ACACB: variants seen among roughly 807,000 people sequenced by gnomAD.
ACACB encodes the protein acetyl-CoA carboxylase beta.
In ACACB, 209 loss-of-function variants were observed where a neutral mutation model predicts 278.8. The ratio of observed to expected loss-of-function variants is 0.75; its 90% CI spans 0.67 to 0.84. ACACB has a LOEUF of 0.84. Ranked by LOEUF, ACACB falls within the 40% of genes least tolerant of loss-of-function variation. ACACB has a pLI of 0.00. For synonymous variants in ACACB, 1,174 were observed against 1,285.6 expected (o/e 0.91, Z 1.86); for missense variants, 2,850 against 3,269.0 (o/e 0.87, Z 3.13).
chr12:109,209,000 G>A (rs1209631132), intron 20 of ACACB, among the ~76,000 whole-genome samples, 165 bp from the exon 21 acceptor site: 1 of 152,124 alleles, frequency 6.6e-6, no homozygotes, highest in Non-Finnish European at 1.5e-5. Flanking sequence ...CTGTGGTCAG[G>A]GGGCCATTCC....
At position 109,250,098 on chromosome 12, in the gene ACACB, T is replaced by A. The variant is rs767164855; in HGVS notation, c.5784T>A (p.Ile1928=). 6.3e-7 allele frequency: 1 copy of A among 1,598,604 alleles called. No individual in the cohort carries two copies. The highest frequency in any genetic ancestry group is 1.4e-5 in the African/African-American group (1 of 74,052). The change falls in exon 41 of 53, where the codon ATT becomes ATA. Residue 1928 remains isoleucine, a synonymous_variant. Transcript: ENST00000338432. ...TGGCTTACGAAGAGATCGTCACCAT[T>A]AGCTTGGTGAGTCTTCTTCTATTTT... The part of the protein sequence containing the change: ...SSLAYEEIVT[I]SLVTCRAIGI...
chr12:109,201,662 G>A lies in ACACB; in HGVS notation c.2874G>A (p.Val958=), dbSNP rs1375554679. 1.2e-6 allele frequency: 2 copies of A among 1,614,190 alleles called. No individual in the cohort carries two copies. The highest frequency in any genetic ancestry group is 2.2e-5 in the South Asian group (2 of 91,080). Residue 958 remains valine (V), a synonymous_variant, in exon 19 of 53, where the codon GTG becomes GTA. Coordinates refer to ENST00000338432, the MANE Select transcript of ACACB (RefSeq NM_001093.4). The stretch of plus-strand genomic sequence containing the variant: ...CCGTGCTGGAAGCAGGCTGCGTGGT[G>A]GCCAGGCTGGAGCTCGATGACCCTT... ...PGAVLEAGCV[V]ARLELDDPSK...
chr12:109,221,512 CTTT>C (rs2046159516), intron 24 of ACACB, among the ~76,000 whole-genome samples: 1 of 152,216 alleles, frequency 6.6e-6, no homozygotes, highest in Non-Finnish European at 1.5e-5. Context: ...AAAGGCCCTT[CTTT>C]CAGAAGCAGA....
chr12:109,186,860 C>T lies in ACACB; in HGVS notation c.1980+1120C>T, dbSNP rs568830750. 6.7e-4 allele frequency among the ~76,000 whole-genome samples: 102 copies of T among 152,208 alleles called. 1 individual carries two copies. The highest frequency in any genetic ancestry group is 2.2e-3 in the African/African-American group (91 of 41,526). On this transcript the variant is annotated intron_variant, in intron 12 of 52. Coordinates refer to ENST00000338432, the MANE Select transcript of ACACB (RefSeq NM_001093.4). ...TGGAGGACCAGGTATGGTAACAGCC[C>T]AGGCACTTGGGTCGCTCCATCTCTC...
rs567948907 is a variant in ACACB, at chr12:109,199,571, G to A, written c.2778+19G>A. 9.1e-6 allele frequency: 13 copies of A among 1,420,820 alleles called. No individual in the cohort carries two copies. The highest frequency in any genetic ancestry group is 7.3e-5 in the African/African-American group (5 of 68,272). The allele number at this position is 1,420,820 out of a possible 1,614,324, so 88.0% of individuals were successfully genotyped here. ...GATGGAGGTGACTGCAGAGCCGGCC[G>A]TGGGGAATCCTGAACCCTCAAACTC... On this transcript the variant is annotated intron_variant, in intron 18 of 52. Transcript: ENST00000338432.
At chr12:109,235,437 A>G in intron 32 of ACACB, 68 bp downstream of exon 32, 4 of 1,525,826 alleles carry the variant, frequency 2.6e-6, no homozygotes. Context: ...CATTTATTTG[A>G]TATTTATTTT....
chr12:109,264,095 A>T, intron 49 of ACACB, 137 bp from the exon 50 acceptor site: 1 of 1,050,294 alleles, frequency 9.5e-7, no homozygotes, highest in Non-Finnish European at 1.4e-6. Flanking sequence ...TATCAGAGTT[A>T]AAGCTCAGAC....
intron 15 of ACACB, among the ~76,000 whole-genome samples, chr12:109,192,152 G>A (rs569419650): frequency 7.9e-5 from 12 of 152,246 alleles, no homozygotes; most frequent in Admixed American, 1.3e-4. Flanking sequence ...TGGGATTCTC[G>A]AGGCCAGGGT....
chr12:109,234,005 A>G lies in ACACB; in HGVS notation c.4307A>G (p.Glu1436Gly). 2 of 1,614,014 alleles carry G rather than the reference A, an allele frequency of 1.2e-6. No individual in the cohort carries two copies. Among genetic ancestry groups the G allele is most frequent in the Non-Finnish European group, 1.7e-6 (2 of 1,179,978 alleles). The change falls in exon 31 of 53, where the codon GAG becomes GGG. Residue 1436 changes from glutamate (E) to glycine (G), a missense_variant. By Grantham distance (98) the Glu-to-Gly change is moderately conservative. Around this residue, in one of 3 missense-constraint regions of ACACB, gnomAD observed 2,265 missense variants for 2,561.3 expected, o/e 0.88. Transcript: ENST00000338432. ...SIQCADHLED[E>G]ALVPILRTFV... ...CAGTGTGCAGACCACCTGGAGGATG[A>G]GGCACTGGTGCCGATTTTACGGACA...
intron 22 of ACACB, among the ~76,000 whole-genome samples, chr12:109,216,022 C>G (rs986669178): frequency 1.3e-5 from 2 of 151,984 alleles, no homozygotes; most frequent in Non-Finnish European, 2.9e-5. Context: ...TGCTCTTGAA[C>G]TTCTGAGCTC....
chr12:109,247,697 A>G lies in ACACB; in HGVS notation c.5663A>G (p.Glu1888Gly). The G allele has an allele frequency of 6.2e-7, 1 of 1,612,500 alleles. No individual in the cohort carries two copies. The highest frequency in any genetic ancestry group is 8.5e-7 in the Non-Finnish European group (1 of 1,178,916). Reference sequence around the variant, plus strand: ...TGTAAACACATCGAGGAAGGAGGAGAGTCCAGGTAAATAACTTATCAGGTA... The same window carrying G: ...TGTAAACACATCGAGGAAGGAGGAGGGTCCAGGTAAATAACTTATCAGGTA... ...VHCKHIEEGGESRYMITDIIG... is the reference protein window; with the variant it reads ...VHCKHIEEGGGSRYMITDIIG... Residue 1888 changes from glutamate (E) to glycine (G), a missense_variant, in exon 40 of 53, where the codon GAG (glutamate) becomes GGG (glycine). Physicochemically the swap from Glu to Gly is moderately conservative, Grantham distance 98 (BLOSUM62 -2). This residue lies in a region of ACACB where 2,265 missense variants were observed against 2,561.3 expected (regional missense o/e 0.88). Transcript: ENST00000338432.
intron 15 of ACACB, among the ~76,000 whole-genome samples, chr12:109,192,987 T>C (rs2044949592): frequency 6.6e-6 from 1 of 152,180 alleles, no homozygotes; most frequent in Admixed American, 6.5e-5. Context: ...AGTGTTTGGT[T>C]ATGCTTTTGA....
chr12:109,247,957 C>T (rs573461604), intron 40 of ACACB, among the ~76,000 whole-genome samples: 15 of 152,336 alleles, frequency 9.8e-5, no homozygotes, highest in African/African-American at 2.2e-4. Flanking sequence ...ATTGGATTCT[C>T]GTGAATCTCC....
intron 24 of ACACB, 31 bp downstream of exon 24, chr12:109,216,951 G>A: frequency 1.2e-6 from 2 of 1,608,762 alleles, no homozygotes; most frequent in South Asian, 1.1e-5. Flanking sequence ...TTACTAGACT[G>A]GGGGTGGGTC....
At chr12:109,167,295 T>G (rs372624505) in intron 3 of ACACB, 24 of 256,136 alleles carry the variant, frequency 9.4e-5, no homozygotes, top group Admixed American at 1.5e-4. Context: ...AAAAAATCAT[T>G]CACTGGGCTC....
At chr12:109,192,369 TC>T (rs2044924668) in intron 15 of ACACB, among the ~76,000 whole-genome samples, 1 of 152,158 alleles carries the variant, frequency 6.6e-6, no homozygotes, top group African/African-American at 2.4e-5. Context: ...AACCAGGCGA[TC>T]TCTGTTAGGA....
chr12:109,233,054 G>A (rs2046521598), intron 29 of ACACB, among the ~76,000 whole-genome samples: 1 of 152,088 alleles, frequency 6.6e-6, no homozygotes, highest in African/African-American at 2.4e-5. Context: ...GTGAGCCTGC[G>A]TGTCAGCTTG....
intron 33 of ACACB, 119 bp downstream of exon 33, chr12:109,235,766 G>T: frequency 2.2e-6 from 2 of 889,118 alleles, no homozygotes; most frequent in South Asian, 3.3e-5. Context: ...GGGAGGCTGA[G>T]GCAGGAGGTT....
intron 44 of ACACB, among the ~76,000 whole-genome samples, chr12:109,255,008 C>G (rs555335896): frequency 6.6e-6 from 1 of 152,194 alleles, no homozygotes; most frequent in Admixed American, 6.5e-5. Flanking sequence ...CACATGACCT[C>G]AAGTGATCTG....
Sources: allele counts gnomAD v4.1 joint callset (sites outside exome capture counted in the v4.1 genomes callset), GRCh38; gene constraint gnomAD v4.1.1; regional missense constraint gnomAD v4.1.1; transcripts MANE v1.5; gene names NCBI Gene and HGNC (gene_info 2026-07-23, HGNC 2026-07-21).